The following MCTP1 variants were observed in gnomAD, a reference collection of about 807,000 sequenced individuals.
The protein encoded by MCTP1 is multiple C2 and transmembrane domain containing 1, also known as multiple C2 and transmembrane domain-containing protein 1.
In MCTP1, 69 loss-of-function variants were observed where a neutral mutation model predicts 120.6. That is an observed-to-expected ratio of 0.57 (90% CI 0.47 to 0.70). The LOEUF (loss-of-function observed/expected upper bound fraction) is 0.70. Among genes scored for constraint, MCTP1 ranks in the 30% least tolerant of loss-of-function variants. The probability of loss-of-function intolerance (pLI) is 0.00; values close to 1 mark genes in which losing one functional copy is unlikely to be tolerated. For synonymous variants in MCTP1, 529 were observed against 493.1 expected (o/e 1.07, Z -0.96); for missense variants, 1,203 against 1,248.8 (o/e 0.96, Z 0.55).
intron 6 of MCTP1, chr5:94,931,405 G>A (rs1450994689): frequency 6.6e-6 from 1 of 152,056 alleles, no homozygotes; most frequent in Non-Finnish European, 1.5e-5. Context: ...TTTATATTTT[G>A]CATATCTTAC....
intron 9 of MCTP1, among the ~76,000 whole-genome samples, chr5:94,911,150 C>T (rs1285369419): frequency 6.6e-6 from 1 of 152,092 alleles, no homozygotes; most frequent in Non-Finnish European, 1.5e-5. Flanking sequence ...TGGAAGGGAC[C>T]TAAGCAGGCT....
intron 1 of MCTP1, among the ~76,000 whole-genome samples, chr5:95,095,005 GATTTT>G (rs1193855350): frequency 3.5e-4 from 28 of 79,544 alleles, no homozygotes; most frequent in Non-Finnish European, 4.9e-4. Context: ...TGTTATGTTA[GATTTT>G]TTTTTTTTTT....
At chr5:95,206,706 T>A (rs1751661982) in intron 1 of MCTP1, among the ~76,000 whole-genome samples, 1 of 152,014 alleles carries the variant, frequency 6.6e-6, no homozygotes, top group Non-Finnish European at 1.5e-5. Context: ...CCCAGCCAAT[T>A]TTTGTATTTT....
chr5:95,082,961 C>T (rs774000198), intron 1 of MCTP1, among the ~76,000 whole-genome samples: 3 of 152,088 alleles, frequency 2.0e-5, no homozygotes, highest in Non-Finnish European at 4.4e-5. Flanking sequence ...ATCGGATGAT[C>T]TTTTTTATTT....
At chr5:94,851,499 A>G (rs1460826739) in intron 17 of MCTP1, among the ~76,000 whole-genome samples, 1 of 152,100 alleles carries the variant, frequency 6.6e-6, no homozygotes, top group Non-Finnish European at 1.5e-5. Context: ...CTATTTATAC[A>G]GTTTAAACAT....
In MCTP1 at chr5:95,063,507, C is replaced by T. The variant is rs548010428; in HGVS notation, c.721-46023G>A. Among the ~76,000 whole-genome samples, 155 of 152,324 alleles carry T rather than the reference C, an allele frequency of 1.0e-3. 1 individual carries two copies. The highest frequency in any genetic ancestry group is 3.3e-3 in the Admixed American group (50 of 15,304). ...GAAGCTAATTCCAGGATTTGCCTTA[C>T]TTTTTGAGATAGCTCACAAGGAAAC... is the stretch of plus-strand genomic sequence containing the variant. On this transcript the variant is annotated intron_variant, in intron 1 of 22. Coordinates refer to ENST00000515393, the MANE Select transcript of MCTP1 (RefSeq NM_024717.7).
At chr5:94,841,415 G>A (rs1181552416) in intron 17 of MCTP1, among the ~76,000 whole-genome samples, 1 of 152,142 alleles carries the variant, frequency 6.6e-6, no homozygotes, top group African/African-American at 2.4e-5. Context: ...TTTCTATGCT[G>A]TTGCTACTTA....
chr5:94,773,475 C>T (rs1182516758), intron 19 of MCTP1, among the ~76,000 whole-genome samples: 5 of 152,078 alleles, frequency 3.3e-5, no homozygotes, highest in Non-Finnish European at 7.4e-5. Flanking sequence ...AGATGGCTGC[C>T]AAGATTCGCG....
At chr5:94,806,548 T>C (rs750873027) in intron 17 of MCTP1, among the ~76,000 whole-genome samples, 4 of 152,208 alleles carry the variant, frequency 2.6e-5, no homozygotes, top group African/African-American at 7.2e-5. Flanking sequence ...ATCCCATCAA[T>C]TGATGCTCTC....
At chr5:95,230,696 G>A (rs545821020) in intron 1 of MCTP1, among the ~76,000 whole-genome samples, 51 of 152,256 alleles carry the variant, frequency 3.3e-4, no homozygotes, top group Middle Eastern at 3.4e-3. Context: ...CATGTTTAGC[G>A]TTCTGATAAT....
chr5:95,003,929 T>C (rs1834193049), intron 2 of MCTP1, among the ~76,000 whole-genome samples: 2 of 152,114 alleles, frequency 1.3e-5, no homozygotes, highest in Non-Finnish European at 1.5e-5. Flanking sequence ...TGGAACAGTT[T>C]TGAGGGCTCA....
At chr5:95,002,537 G>T (rs1404757560) in intron 2 of MCTP1, among the ~76,000 whole-genome samples, 1 of 152,218 alleles carries the variant, frequency 6.6e-6, no homozygotes, top group African/African-American at 2.4e-5. Flanking sequence ...AGTCAAAGGA[G>T]ATCATTTGGG....
intron 17 of MCTP1, among the ~76,000 whole-genome samples, chr5:94,863,561 TA>T (rs1561768117): frequency 6.6e-6 from 1 of 151,942 alleles, no homozygotes; most frequent in Admixed American, 6.6e-5. Flanking sequence ...ACAGGTGATG[TA>T]GACATGCCTT....
chr5:94,745,608 G>T (rs751400225), intron 19 of MCTP1, among the ~76,000 whole-genome samples: 1 of 152,146 alleles, frequency 6.6e-6, no homozygotes, highest in Non-Finnish European at 1.5e-5. Context: ...TTCTTGCAGA[G>T]AAAAATTAAG....
intron 1 of MCTP1, among the ~76,000 whole-genome samples, chr5:95,134,992 C>CAAAAAAAAAA (rs70978170): frequency 2.8e-5 from 1 of 35,310 alleles, no homozygotes. Flanking sequence ...GCCTGATGGC[C>CAAAAAAAAAA]AAAAAAAAAA....
chr5:95,169,484 C>A (rs765862469), intron 1 of MCTP1, among the ~76,000 whole-genome samples: 1 of 152,112 alleles, frequency 6.6e-6, no homozygotes, highest in Non-Finnish European at 1.5e-5. Context: ...CCAGCTCCTC[C>A]TTGTACCTCT....
At chr5:94,732,147 G>T (rs1047619546) in intron 19 of MCTP1, among the ~76,000 whole-genome samples, 1 of 152,108 alleles carries the variant, frequency 6.6e-6, no homozygotes. Flanking sequence ...TTCCACAAAG[G>T]ATTCATTGAC....
intron 1 of MCTP1, among the ~76,000 whole-genome samples, chr5:95,121,273 A>ACC (rs1758215891): frequency 1.9e-5 from 2 of 105,470 alleles, no homozygotes; most frequent in African/African-American, 6.9e-5. Flanking sequence ...GCGAGACTCC[A>ACC]TCACAAAAAA....
At chr5:95,016,326 G>T (rs1055975548) in intron 2 of MCTP1, among the ~76,000 whole-genome samples, 4 of 151,914 alleles carry the variant, frequency 2.6e-5, no homozygotes, top group Non-Finnish European at 4.4e-5. Context: ...AAGAATGTTT[G>T]ATATTTGCTA....
Sources: allele counts gnomAD v4.1 joint callset (sites outside exome capture counted in the v4.1 genomes callset), GRCh38; gene constraint gnomAD v4.1.1; transcripts MANE v1.5; gene names NCBI Gene and HGNC (gene_info 2026-07-23, HGNC 2026-07-21).